ARHGEF3: variants seen among roughly 807,000 people sequenced by gnomAD.
ARHGEF3 encodes Rho guanine nucleotide exchange factor 3.
ARHGEF3 carries 28 observed loss-of-function variants against 63.2 expected under a neutral mutation model. The observed-to-expected ratio is 0.44, with a 90% CI of 0.33 to 0.61. The LOEUF (loss-of-function observed/expected upper bound fraction) is 0.61, where lower values mean the gene tolerates loss of function less well. Ranked by LOEUF, ARHGEF3 falls within the 20% of genes least tolerant of loss-of-function variation. The pLI, the probability that ARHGEF3 is intolerant of heterozygous loss-of-function variation, is 0.03. For synonymous variants in ARHGEF3, 266 were observed against 254.2 expected (o/e 1.05, Z -0.44); for missense variants, 533 against 659.3 (o/e 0.81, Z 2.10).
At chr3:56,736,049 A>AACACACACACACAC (rs10530565) in intron 8 of ARHGEF3, among the ~76,000 whole-genome samples, 137 of 147,178 alleles carry the variant, frequency 9.3e-4, no homozygotes, top group African/African-American at 3.3e-3. Flanking sequence ...CAGAAATTTA[A>AACACACACACACAC]ACACACACAC....
At chr3:56,857,659 A>G (rs1007190827) in intron 4 of ARHGEF3, among the ~76,000 whole-genome samples, 11 of 152,232 alleles carry the variant, frequency 7.2e-5, no homozygotes, top group Non-Finnish European at 5.9e-5. Flanking sequence ...TGCTTTCTCC[A>G]AACGGCTATA....
At chr3:56,957,780 A>T (rs1700107242) in intron 3 of ARHGEF3, among the ~76,000 whole-genome samples, 1 of 152,072 alleles carries the variant, frequency 6.6e-6, no homozygotes, top group African/African-American at 2.4e-5. Context: ...AGGCAAAGAG[A>T]GTGCTCTAGG....
intron 1 of ARHGEF3, chr3:57,074,659 G>C (rs938380431): frequency 5.0e-6 from 1 of 199,094 alleles, no homozygotes; most frequent in Non-Finnish European, 1.1e-5. Flanking sequence ...ATCAAAGCCT[G>C]CTAAGTAATT....
In ARHGEF3 at chr3:56,801,875, C is replaced by A. The variant is rs1009862184; in HGVS notation, c.-77G>T. ...ACAAAACTCCCAGGCAAAAGGGGGCCCCAGCTCCACGATGCCGGGCGGCGG... is the reference window on the plus strand; with the variant it reads ...ACAAAACTCCCAGGCAAAAGGGGGCACCAGCTCCACGATGCCGGGCGGCGG... On this transcript the variant is annotated 5_prime_UTR_variant, in exon 1 of 10. Coordinates refer to ENST00000296315, the MANE Select transcript of ARHGEF3 (RefSeq NM_019555.3). 6.4e-7 allele frequency: 1 copy of A among 1,550,484 alleles called. No homozygotes were observed. Among genetic ancestry groups the A allele is most frequent in the Admixed American group, 2.0e-5 (1 of 51,002 alleles).
At chr3:56,828,058 C>T (rs1357983534) in intron 4 of ARHGEF3, among the ~76,000 whole-genome samples, 7 of 150,088 alleles carry the variant, frequency 4.7e-5, no homozygotes, top group Admixed American at 4.7e-4. Context: ...TTCAACATTG[C>T]TATAACAGTA....
chr3:56,863,201 G>C (rs1377467808), intron 4 of ARHGEF3, among the ~76,000 whole-genome samples: 1 of 149,960 alleles, frequency 6.7e-6, no homozygotes, highest in Non-Finnish European at 1.5e-5. Flanking sequence ...GCAGTGGCGC[G>C]ATCTCGGCAC....
At chr3:56,859,097 A>G (rs9845092) in intron 4 of ARHGEF3, among the ~76,000 whole-genome samples, 90,065 of 152,016 alleles carry the variant, frequency 0.59, 27,118 homozygotes, top group East Asian at 0.77. Flanking sequence ...TATCATGGAC[A>G]TTGTTTAGAG....
At chr3:56,954,934 A>G (rs1699976260) in intron 3 of ARHGEF3, among the ~76,000 whole-genome samples, 1 of 152,170 alleles carries the variant, frequency 6.6e-6, no homozygotes, top group Non-Finnish European at 1.5e-5. Context: ...ACGGGGGTGC[A>G]ATACAACTCA....
chr3:56,920,916 G>T (rs530025690), intron 3 of ARHGEF3, among the ~76,000 whole-genome samples: 2 of 151,880 alleles, frequency 1.3e-5, no homozygotes, highest in African/African-American at 2.4e-5. Context: ...TTAGCCAGGC[G>T]TGGTGGCGGG....
rs1316396505 is a variant in ARHGEF3 at position 56,849,802 on chromosome 3, G to C, written c.192+32490C>G. On this transcript the variant is annotated intron_variant, in intron 4 of 12. Coordinates refer to the ARHGEF3 transcript ENST00000338458. ...TTTTCATCTAGGTTGGCTGTTTCTA[G>C]AATTTAGAGAACAATGCATTCTAAA... 1.3e-5 allele frequency among the ~76,000 whole-genome samples: 2 copies of C among 152,128 alleles called. 1 individual carries two copies. Among genetic ancestry groups the C allele is most frequent in the South Asian group, 4.1e-4 (2 of 4,822 alleles).
chr3:56,771,343 G>T lies in ARHGEF3; in HGVS notation c.204+2366C>A, dbSNP rs1332415699. 1.3e-5 allele frequency among the ~76,000 whole-genome samples: 2 copies of T among 152,160 alleles called. 1 individual carries two copies. The highest frequency in any genetic ancestry group is 4.1e-4 in the South Asian group (2 of 4,834). ...TACCTGTGAAGGAACCCCAGAAACA[G>T]AAGAAAGAAATTTTGCCTGAGAAGC... On this transcript the variant is annotated intron_variant, in intron 2 of 9. Coordinates refer to ENST00000296315, the MANE Select transcript of ARHGEF3 (RefSeq NM_019555.3).
chr3:57,074,060 T>C (rs1452078701), intron 1 of ARHGEF3: 2 of 1,614,170 alleles, frequency 1.2e-6, no homozygotes, highest in Non-Finnish European at 8.5e-7. Flanking sequence ...AGCAAGTTAT[T>C]CATAACTCTA....
At chr3:56,780,183 T>C (rs893848511) in intron 1 of ARHGEF3, among the ~76,000 whole-genome samples, 2 of 152,220 alleles carry the variant, frequency 1.3e-5, no homozygotes, top group Non-Finnish European at 2.9e-5. Context: ...GATGAGCACA[T>C]AGCACAGTAC....
At position 56,808,119 on chromosome 3, in the gene ARHGEF3, G is replaced by A. The variant is rs2037930468; in HGVS notation, c.193-34303C>T. Among the ~76,000 whole-genome samples, 3 of 130,940 alleles carry A rather than the reference G, an allele frequency of 2.3e-5. No individual in the cohort carries two copies. The South Asian group carries it at 7.0e-4, about 31-fold the overall frequency. 85.9% of individuals were successfully genotyped at this position (130,940 alleles called of 152,430 possible). On this transcript the variant is annotated intron_variant, in intron 4 of 12. Transcript: ENST00000338458. The stretch of plus-strand genomic sequence containing the variant: ...AGCCTGGGTGACAAAGTTAGACTCT[G>A]TCTCAAAAAAAAAAAAAAAAAGTAT...
At chr3:56,738,474 G>T (rs531111171) in intron 7 of ARHGEF3, among the ~76,000 whole-genome samples, 1 of 152,142 alleles carries the variant, frequency 6.6e-6, no homozygotes, top group South Asian at 2.1e-4. Flanking sequence ...GCCTGGCCTG[G>T]ATATCTTTTT....
intron 2 of ARHGEF3, among the ~76,000 whole-genome samples, chr3:56,757,334 C>T (rs887289260): frequency 6.6e-6 from 1 of 152,008 alleles, no homozygotes; most frequent in East Asian, 1.9e-4. Flanking sequence ...TTAGCCGGGG[C>T]GTGGTGGCAT....
At chr3:56,911,324 C>T (rs1288138024) in intron 3 of ARHGEF3, among the ~76,000 whole-genome samples, 1 of 151,964 alleles carries the variant, frequency 6.6e-6, no homozygotes, top group Non-Finnish European at 1.5e-5. Flanking sequence ...GAGGCAGGTG[C>T]CCAAAGAATG....
Position 56,858,102 on chromosome 3 carries a change from G to T in ARHGEF3, c.192+24190C>A, listed in dbSNP as rs146012306. 8.7e-3 allele frequency among the ~76,000 whole-genome samples: 1,327 copies of T among 152,108 alleles called. 25 individuals are homozygous for T. The highest frequency in any genetic ancestry group is 0.028 in the African/African-American group (1,161 of 41,466). ...TATAAAAAAATACAAAAATTAGCCA[G>T]GCATGGTGGTGCATGTCTGTAGTCC... is the stretch of plus-strand genomic sequence containing the variant. On this transcript the variant is annotated intron_variant, in intron 4 of 12. Transcript: ENST00000338458.
intron 4 of ARHGEF3, among the ~76,000 whole-genome samples, chr3:56,861,882 T>A (rs1292684228): frequency 7.5e-6 from 1 of 134,148 alleles, no homozygotes; most frequent in Non-Finnish European, 1.6e-5. Context: ...TTTTTTTTTT[T>A]AACTCTCTCT....
Sources: allele counts gnomAD v4.1 joint callset (sites outside exome capture counted in the v4.1 genomes callset), GRCh38; gene constraint gnomAD v4.1.1; transcripts MANE v1.5; gene names NCBI Gene and HGNC (gene_info 2026-07-23, HGNC 2026-07-21).